AKNA: variants seen among roughly 807,000 people sequenced by gnomAD.
AKNA encodes microtubule organization protein AKNA.
Under a neutral mutation model 138.8 loss-of-function variants are expected in AKNA, and 67 were observed. The observed-to-expected ratio is 0.48, with a 90% CI of 0.40 to 0.59. The LOEUF is 0.59. Ranked by LOEUF, AKNA falls within the 20% of genes least tolerant of loss-of-function variation. The pLI, the probability that AKNA is intolerant of heterozygous loss-of-function variation, is 0.00. For synonymous variants in AKNA, 737 were observed against 754.4 expected (o/e 0.98, Z 0.38); for missense variants, 1,813 against 1,880.4 (o/e 0.96, Z 0.66).
chr9:114,348,711 GCATTGCTGA>G (rs1169799130), intron 15 of AKNA, among the ~76,000 whole-genome samples: 1 of 152,188 alleles, frequency 6.6e-6, no homozygotes, highest in African/African-American at 2.4e-5. Context: ...TGTTTTGTGG[GCATTGCTGA>G]CACCGCAGCA....
Position 114,340,812 on chromosome 9 carries a change from G to C in AKNA, c.4067+721C>G, listed in dbSNP as rs558619266. 2.0e-5 allele frequency among the ~76,000 whole-genome samples: 3 copies of C among 152,164 alleles called. No homozygotes were observed. In the South Asian group the frequency reaches 6.2e-4, roughly 32 times the overall value. On this transcript the variant is annotated intron_variant, in intron 21 of 21. Coordinates refer to ENST00000374088, the MANE Select transcript of AKNA (RefSeq NM_001317950.2). Reference sequence around the variant, plus strand: ...GTGCAAAAAGTCCTACAATATTCCCGACCAGGACTCCCCAGAGATGTCCAG... The same window carrying C: ...GTGCAAAAAGTCCTACAATATTCCCCACCAGGACTCCCCAGAGATGTCCAG...
At chr9:114,398,394 A>T (rs1019046830), upstream of AKNA, 1 of 152,058 alleles carries the variant, frequency 6.6e-6, no homozygotes, top group Non-Finnish European at 1.5e-5. This position sits in a 1 kb window ranked among gnomAD's most constrained non-coding sequence, Gnocchi z 4.2. Flanking sequence ...CCAACGAGGG[A>T]CAGGGACCAC....
chr9:114,345,555 C>A (rs959920935), intron 18 of AKNA: 3 of 260,262 alleles, frequency 1.2e-5, no homozygotes, highest in African/African-American at 6.8e-5. Context: ...ATGCTCCGAG[C>A]CGGAAAAGCA....
In AKNA at chr9:114,377,232, G is replaced by A. The variant is rs200049780; in HGVS notation, c.575C>T (p.Ser192Phe). 1.1e-4 allele frequency: 182 copies of A among 1,614,090 alleles called. No homozygotes were observed. The highest frequency in any genetic ancestry group is 2.7e-4 in the Admixed American group (16 of 60,000). The change falls in exon 3 of 22, where the codon TCC becomes TTC. Residue 192 changes from serine to phenylalanine, a missense_variant. Coordinates refer to ENST00000374088, the MANE Select transcript of AKNA (RefSeq NM_001317950.2). ...KLSEHSEVNPSVELSPARSWS... is the reference protein window; with the variant it reads ...KLSEHSEVNPFVELSPARSWS... ...GGACCTTGCCGGGCTGAGTTCAACG[G>A]ATGGGTTGACCTCGGAATGTTCAGA...
Position 114,362,386 on chromosome 9 carries a change from C to T in AKNA, c.1916+20G>A, listed in dbSNP as rs754513399. The T allele has an allele frequency of 6.2e-7, 1 of 1,603,420 alleles. No individual in the cohort carries two copies. The highest frequency in any genetic ancestry group is 1.3e-5 in the African/African-American group (1 of 74,684). On this transcript the variant is annotated intron_variant, in intron 8 of 21. Transcript: ENST00000374088. ...GGCCCATCCCATCTGTCCTTCCAGG[C>T]CTTCCACCCCAGCAGGTACCTGCGA...
In AKNA at chr9:114,359,488, A is replaced by G. The variant is rs2636896; in HGVS notation, c.2492+106T>C. On this transcript the variant is annotated intron_variant, in intron 11 of 21. Coordinates refer to ENST00000374088, the MANE Select transcript of AKNA (RefSeq NM_001317950.2). ...CACACTTGAAGAGGCAGGACAGGTA[A>G]GCCATGTCTAAACTGTGAAGCGCTG... The G allele has an allele frequency of 0.017, 26,692 of 1,587,710 alleles. 2,702 individuals are homozygous for G. In the African/African-American group the frequency reaches 0.26, roughly 16 times the overall value.
At chr9:114,364,722 T>C (rs371464471) in intron 6 of AKNA, 103 bp from the exon 7 acceptor site, 4 of 1,233,080 alleles carry the variant, frequency 3.2e-6, no homozygotes, top group East Asian at 2.3e-5. Flanking sequence ...GGGTCCGTCC[T>C]CAGGATGTGG....
chr9:114,380,981 CAAAAAAAA>C (rs34055519), intron 2 of AKNA, 71 bp downstream of exon 2: 6 of 1,106,786 alleles, frequency 5.4e-6, no homozygotes, highest in African/African-American at 6.0e-5. Context: ...GACTCTGTCT[CAAAAAAAA>C]AAAAAAAAAA....
In AKNA at chr9:114,337,224, G is replaced by A. The variant is rs745331774; in HGVS notation, c.4150C>T (p.His1384Tyr). The A allele has an allele frequency of 3.2e-6, 5 of 1,586,746 alleles. No homozygotes were observed. Among genetic ancestry groups the A allele is most frequent in the East Asian group, 4.5e-5 (2 of 43,972 alleles). The change falls in exon 22 of 22, where the codon CAC becomes TAC. Residue 1384 changes from histidine (H) to tyrosine (Y), a missense_variant. Coordinates refer to ENST00000374088, the MANE Select transcript of AKNA (RefSeq NM_001317950.2). The stretch of plus-strand genomic sequence containing the variant: ...AGGTCGAGCTGGATGGAGTGCCGGT[G>A]TCTCCGGGCTGGTGGGGGAGAGGCT... Reference protein sequence around the residue: ...PTASPPPARRHRHSIQLDLGD... With the variant: ...PTASPPPARRYRHSIQLDLGD...
Position 114,376,936 on chromosome 9 carries a change from G to C in AKNA, c.871C>G (p.Gln291Glu), listed in dbSNP as rs1833268693. Residue 291 changes from glutamine to glutamate, a missense_variant, in exon 3 of 22, where the codon CAG becomes GAG. Transcript: ENST00000374088. ...TGCTTCCAGATGTGTTCCTTGGGCT[G>C]AGGGCAGAAGAATCTGGTCGTTTCT... ...RRETTRFFCP[Q>E]PKEHIWKQTK... 1 of 1,614,134 alleles carries C rather than the reference G, an allele frequency of 6.2e-7. No individual in the cohort carries two copies. Among genetic ancestry groups the C allele is most frequent in the African/African-American group, 1.3e-5 (1 of 74,948 alleles).
Position 114,355,944 on chromosome 9 carries a change from C to T in AKNA, c.3039G>A (p.Arg1013=). ...RQRAPNFSLE[R]TLAAEMAVPG... is the part of the protein sequence containing the mutation. ...ACTCACCCATCTCGGCTGCCAGTGT[C>T]CGCTCCAGGCTGAAGTTGGGTGCCC... Residue 1013 remains arginine, a synonymous_variant, in exon 14 of 22, where the codon CGG becomes CGA. Transcript: ENST00000374088. 6.2e-7 allele frequency: 1 copy of T among 1,614,186 alleles called. No individual in the cohort carries two copies. Among genetic ancestry groups the T allele is most frequent in the African/African-American group, 1.3e-5 (1 of 75,054 alleles).
intron 4 of AKNA, among the ~76,000 whole-genome samples, chr9:114,373,055 G>A (rs975298036): frequency 2.0e-5 from 3 of 146,736 alleles, no homozygotes; most frequent in East Asian, 2.1e-4. Flanking sequence ...AGTGCCTCTC[G>A]ACATTGAGAG....
chr9:114,352,926 A>AAC (rs906929584), intron 14 of AKNA, among the ~76,000 whole-genome samples: 8 of 152,162 alleles, frequency 5.3e-5, no homozygotes, highest in African/African-American at 1.9e-4. Flanking sequence ...ATCTCAAAAA[A>AAC]AAAAAAAGAT....
At chr9:114,331,215 C>A (rs944757643), downstream of AKNA, among the ~76,000 whole-genome samples, 1 of 152,092 alleles carries the variant, frequency 6.6e-6, no homozygotes, top group African/African-American at 2.4e-5. Context: ...GTACCTTCAA[C>A]TATGTCCCCC....
rs138528782 is a variant in AKNA at position 114,384,925 on chromosome 9, C to A, written c.-114+2935G>T. Reference sequence around the variant, plus strand: ...GGAGTACAATGGCAATCAGAGCTCACTGTAGCCTTGACCACCTGGGCTCAA... The same window carrying A: ...GGAGTACAATGGCAATCAGAGCTCAATGTAGCCTTGACCACCTGGGCTCAA... On this transcript the variant is annotated intron_variant, in intron 1 of 21. Coordinates refer to ENST00000374088, the MANE Select transcript of AKNA (RefSeq NM_001317950.2). 1.3e-3 allele frequency among the ~76,000 whole-genome samples: 199 copies of A among 152,300 alleles called. 5 individuals carry two copies. In the East Asian group the frequency reaches 0.03, roughly 23 times the overall value.
intron 20 of AKNA, 135 bp from the exon 21 acceptor site, chr9:114,341,860 G>T: frequency 1.5e-6 from 2 of 1,315,672 alleles, no homozygotes; most frequent in African/African-American, 1.5e-5. Context: ...TGTCGGGGAG[G>T]TCTCTCTTTG....
At position 114,381,401 on chromosome 9, in the gene AKNA, A is replaced by C. The variant is rs1833663767; in HGVS notation, c.-68T>G. ...AGACAGAGCTGCTGCCAGGGGCCCC[A>C]GAGTCACCGCTGGTTCCTGTCAGCA... On this transcript the variant is annotated 5_prime_UTR_variant, in exon 2 of 22. Transcript: ENST00000374088. The C allele has an allele frequency of 6.9e-7, 1 of 1,459,560 alleles. No homozygotes were observed. The highest frequency in any genetic ancestry group is 9.0e-7 in the Non-Finnish European group (1 of 1,109,852). 90.4% of individuals were successfully genotyped at this position (1,459,560 alleles called of 1,614,324 possible). A position where few individuals can be genotyped will look rare whatever the true frequency, so the allele number is the denominator to read the frequency against.
In AKNA at chr9:114,377,284, C is replaced by G. The variant is rs1339637341; in HGVS notation, c.523G>C (p.Gly175Arg). 4 of 1,614,062 alleles carry G rather than the reference C, an allele frequency of 2.5e-6. No individual in the cohort carries two copies. The highest frequency in any genetic ancestry group is 2.7e-5 in the African/African-American group (2 of 74,940). Residue 175 changes from glycine (G) to arginine (R), a missense_variant, in exon 3 of 22, where the codon GGC (glycine) becomes CGC (arginine). By Grantham distance (125) the Gly-to-Arg change is moderately radical. Coordinates refer to ENST00000374088, the MANE Select transcript of AKNA (RefSeq NM_001317950.2). ...AGTTTGTCCCCACTGGCTTGTTCGC[C>G]AGAAGCCACCCAGCCCCTGGCCTGA... ...HGQARGWVAS[G>R]EQASGDKLSE...
chr9:114,356,958 C>T lies in AKNA; in HGVS notation c.2751G>A (p.Met917Ile). 6.3e-7 allele frequency: 1 copy of T among 1,580,096 alleles called. No homozygotes were observed. Among genetic ancestry groups the T allele is most frequent in the Non-Finnish European group, 8.6e-7 (1 of 1,166,340 alleles). The change falls in exon 13 of 22, where the codon ATG (methionine) becomes ATA (isoleucine). Residue 917 changes from methionine (M) to isoleucine (I), a missense_variant. Physicochemically the swap from Met to Ile is conservative, Grantham distance 10. Coordinates refer to ENST00000374088, the MANE Select transcript of AKNA (RefSeq NM_001317950.2). ...AGCCACTGTCTGTCTCTGGGGACGC[C>T]ATCCAGGTCTCCTGAAAGAGGCAGT... ...GGGPHLEETW[M>I]ASPETDSGFV...
Sources: gnomAD v4.1 joint callset for allele counts (sites outside exome capture counted in the v4.1 genomes callset) on GRCh38, gnomAD v4.1.1 for gene constraint, Gnocchi (gnomAD v3.1) non-coding constraint, MANE v1.5 for transcripts, NCBI Gene and HGNC (gene_info 2026-07-23, HGNC 2026-07-21) for gene names.